DTNA: variants seen among roughly 807,000 people sequenced by gnomAD.
The protein encoded by DTNA is dystrophin-related protein 3.
Under a neutral mutation model 100.7 loss-of-function variants are expected in DTNA, and 43 were observed. The ratio of observed to expected loss-of-function variants is 0.43; its 90% CI spans 0.33 to 0.55. The LOEUF is 0.55. Ranked by LOEUF, DTNA falls within the 20% of genes least tolerant of loss-of-function variation. DTNA has a pLI of 0.04. For synonymous variants in DTNA, 349 were observed against 347.9 expected, an observed-to-expected ratio of 1.00 and a Z score of -0.04; for missense variants, 798 against 953.9, an observed-to-expected ratio of 0.84 and a Z score of 2.15.
chr18:34,855,911 G>A (rs970686694), intron 15 of DTNA, among the ~76,000 whole-genome samples: 1 of 151,820 alleles, frequency 6.6e-6, no homozygotes, highest in Non-Finnish European at 1.5e-5. Context: ...CTTCTTTTGA[G>A]GAAATACCCC....
intron 3 of DTNA, among the ~76,000 whole-genome samples, chr18:34,771,368 G>A (rs1028084015): frequency 3.3e-5 from 5 of 151,934 alleles, no homozygotes; most frequent in African/African-American, 1.2e-4. Flanking sequence ...GCGTGGTGGC[G>A]GGCGCCTGCA....
chr18:34,876,927 A>G (rs890586529), intron 18 of DTNA, among the ~76,000 whole-genome samples: 1 of 152,172 alleles, frequency 6.6e-6, no homozygotes, highest in African/African-American at 2.4e-5. Context: ...TTTTTACTTA[A>G]CTACTCTGAT....
chr18:34,820,990 T>A, intron 9 of DTNA, 75 bp downstream of exon 9: 2 of 1,601,396 alleles, frequency 1.2e-6, no homozygotes, highest in Non-Finnish European at 1.7e-6. Flanking sequence ...CAAAAGCAAT[T>A]TCCTATCAGT....
At chr18:34,543,703 C>G (rs1036384107) in intron 1 of DTNA, among the ~76,000 whole-genome samples, 1 of 152,076 alleles carries the variant, frequency 6.6e-6, no homozygotes, top group African/African-American at 2.4e-5. Flanking sequence ...AGTCAGTGTA[C>G]TGGGTTTAAA....
At chr18:34,861,281 C>T (rs529287986) in intron 16 of DTNA, among the ~76,000 whole-genome samples, 13 of 151,856 alleles carry the variant, frequency 8.6e-5, no homozygotes, top group African/African-American at 3.1e-4. Context: ...GTCAGGAGAT[C>T]GAGACCATCC....
At chr18:34,631,574 CAA>C (rs1201878819) in intron 1 of DTNA, among the ~76,000 whole-genome samples, 1 of 152,088 alleles carries the variant, frequency 6.6e-6, no homozygotes, top group Non-Finnish European at 1.5e-5. Context: ...TTTTAAGAAG[CAA>C]AGTGATTAAA....
intron 1 of DTNA, among the ~76,000 whole-genome samples, chr18:34,611,443 A>T (rs2054192279): frequency 6.6e-6 from 1 of 152,210 alleles, no homozygotes; most frequent in African/African-American, 2.4e-5. Context: ...TATTCATATG[A>T]ACTCATTTCT....
chr18:34,558,324 G>A (rs987082737), intron 1 of DTNA, among the ~76,000 whole-genome samples: 13 of 152,124 alleles, frequency 8.5e-5, no homozygotes, highest in African/African-American at 2.4e-4. Flanking sequence ...GAAATCACCC[G>A]TCTTCTGCGT....
At chr18:34,667,385 T>C (rs1661088175) in intron 1 of DTNA, among the ~76,000 whole-genome samples, 1 of 152,214 alleles carries the variant, frequency 6.6e-6, no homozygotes, top group South Asian at 2.1e-4. Context: ...ACAATTTGAC[T>C]TCCTCTTTTC....
rs531614437 is a variant in DTNA, at chr18:34,632,166, A to G, written c.-1-123810A>G. ...AATGTAAACTTCACAAAATGGATTTATAAATCCCTTGGCACCAGAAGCAGA... is the reference window on the plus strand; with the variant it reads ...AATGTAAACTTCACAAAATGGATTTGTAAATCCCTTGGCACCAGAAGCAGA... On this transcript the variant is annotated intron_variant, in intron 1 of 19. Coordinates refer to the DTNA transcript ENST00000283365. 2.0e-5 allele frequency among the ~76,000 whole-genome samples: 3 copies of G among 152,308 alleles called. No individual in the cohort carries two copies. In the East Asian group the frequency reaches 5.8e-4, roughly 29 times the overall value.
At chr18:34,726,951 G>A (rs1472147384) in intron 1 of DTNA, among the ~76,000 whole-genome samples, 1 of 152,222 alleles carries the variant, frequency 6.6e-6, no homozygotes, top group Non-Finnish European at 1.5e-5. Context: ...CAAGCACCAA[G>A]GCTTTCCTCT....
At position 34,879,557 on chromosome 18, in the gene DTNA, G is replaced by A; in HGVS notation, c.2000G>A (p.Gly667Glu). ...CTTCAATTGTATCTGCTAGAGGTTGGGAGTGAAACAGAGAGTAATGTGGAT... is the reference window on the plus strand; with the variant it reads ...CTTCAATTGTATCTGCTAGAGGTTGAGAGTGAAACAGAGAGTAATGTGGAT... The part of the protein sequence containing the change: ...SLVKELNSEV[G>E]SETESNVDSE... The change falls in exon 20 of 23, where the codon GGG becomes GAG. Residue 667 changes from glycine to glutamate, a missense_variant. Gly to Glu is a moderately conservative substitution (Grantham distance 98). Around this residue, in one of 6 missense-constraint regions of DTNA, gnomAD observed 242 missense variants for 238.2 expected, o/e 1.02. Coordinates refer to ENST00000444659, the MANE Select transcript of DTNA (RefSeq NM_001386795.1). 1.2e-6 allele frequency: 2 copies of A among 1,614,004 alleles called. No individual in the cohort carries two copies. The highest frequency in any genetic ancestry group is 1.7e-6 in the Non-Finnish European group (2 of 1,179,966).
At chr18:34,602,702 A>G (rs2052151615) in intron 1 of DTNA, among the ~76,000 whole-genome samples, 1 of 151,910 alleles carries the variant, frequency 6.6e-6, no homozygotes, top group Non-Finnish European at 1.5e-5. Context: ...TCTCTACAAA[A>G]AAAAACAAAC....
chr18:34,755,682 A>G, intron 1 of DTNA: 1 of 363,582 alleles, frequency 2.8e-6, no homozygotes, highest in Non-Finnish European at 5.2e-6. Context: ...CACCTAACAG[A>G]TGGTAGATTG....
chr18:34,806,181 G>C (rs758905576), intron 4 of DTNA, 38 bp from the exon 5 acceptor site: 4 of 1,573,180 alleles, frequency 2.5e-6, no homozygotes, highest in Non-Finnish European at 3.5e-6. Flanking sequence ...GTTTTGTTTT[G>C]TTTTTGTTTT....
chr18:34,798,348 A>G (rs2095070818), intron 4 of DTNA, among the ~76,000 whole-genome samples: 1 of 152,092 alleles, frequency 6.6e-6, no homozygotes, highest in Non-Finnish European at 1.5e-5. Context: ...CTTGATCTCC[A>G]ATATATTACA....
intron 1 of DTNA, among the ~76,000 whole-genome samples, chr18:34,636,808 G>T (rs1046842104): frequency 2.6e-5 from 4 of 152,146 alleles, no homozygotes; most frequent in African/African-American, 9.7e-5. Flanking sequence ...TTGAGTTACA[G>T]AATCCAAAAT....
intron 17 of DTNA, among the ~76,000 whole-genome samples, chr18:34,871,108 CTG>C (rs2096761258): frequency 6.6e-6 from 1 of 152,208 alleles, no homozygotes; most frequent in Admixed American, 6.5e-5. Flanking sequence ...CTCAGCCAAA[CTG>C]AGAGGCAGAC....
At chr18:34,834,532 A>G (rs1445306298) in intron 11 of DTNA, among the ~76,000 whole-genome samples, 1 of 152,002 alleles carries the variant, frequency 6.6e-6, no homozygotes, top group Non-Finnish European at 1.5e-5. Flanking sequence ...TATTTGGCTC[A>G]TGGTTCTGCA....
Sources: gnomAD v4.1 joint callset for allele counts (sites outside exome capture counted in the v4.1 genomes callset) on GRCh38, gnomAD v4.1.1 for gene constraint, gnomAD v4.1.1 regional missense constraint, MANE v1.5 for transcripts, NCBI Gene and HGNC (gene_info 2026-07-23, HGNC 2026-07-21) for gene names.